The following ZNF679 variants were observed in gnomAD, a reference collection of about 807,000 sequenced individuals.
The protein encoded by ZNF679 is hypothetical protein MGC42415.
Under a neutral mutation model 13.4 loss-of-function variants are expected in ZNF679, and 10 were observed. That is an observed-to-expected ratio of 0.75 (90% CI 0.46 to 1.27). ZNF679 has a LOEUF of 1.27. Ranked by LOEUF, ZNF679 falls within the 50% of genes most tolerant of loss-of-function variation. ZNF679 has a pLI of 0.00. For missense variants in ZNF679, 525 were observed against 477.8 expected, an observed-to-expected ratio of 1.10 and a Z score of -0.92; for synonymous variants, 179 against 162.5, an observed-to-expected ratio of 1.10 and a Z score of -0.77.
chr7:64,243,768 G>A (rs1787831118), intron 1 of ZNF679, among the ~76,000 whole-genome samples: 1 of 152,176 alleles, frequency 6.6e-6, no homozygotes, highest in African/African-American at 2.4e-5. Context: ...CAGATACTGA[G>A]TGAAGGTATA....
intron 1 of ZNF679, among the ~76,000 whole-genome samples, chr7:64,236,019 C>T (rs1787706061): frequency 6.6e-6 from 1 of 152,110 alleles, no homozygotes; most frequent in Non-Finnish European, 1.5e-5. Flanking sequence ...GTAATCCCAA[C>T]ACTGTGGGAG....
intron 2 of ZNF679, among the ~76,000 whole-genome samples, chr7:64,256,210 G>A (rs773994493): frequency 3.3e-5 from 5 of 152,064 alleles, no homozygotes; most frequent in Non-Finnish European, 5.9e-5. Flanking sequence ...AAAAATGACG[G>A]TCTCCTGCTC....
chr7:64,238,544 C>T (rs529371690), intron 1 of ZNF679, among the ~76,000 whole-genome samples: 5 of 152,138 alleles, frequency 3.3e-5, no homozygotes, highest in South Asian at 4.1e-4. Flanking sequence ...CCCACCACCA[C>T]GCCTAGCTAA....
chr7:64,250,265 GT>G (rs11434714), intron 2 of ZNF679, among the ~76,000 whole-genome samples: 6,462 of 91,016 alleles, frequency 0.071, 158 homozygotes, highest in East Asian at 0.4. Flanking sequence ...CTTTCCCTTG[GT>G]TTTTTTTTTT....
At chr7:64,243,652 C>G (rs748871418) in intron 1 of ZNF679, among the ~76,000 whole-genome samples, 1 of 152,136 alleles carries the variant, frequency 6.6e-6, no homozygotes, top group Non-Finnish European at 1.5e-5. Flanking sequence ...CCCAATACCC[C>G]AGGAGGGCAA....
chr7:64,259,883 ATGCCAC>A (rs1444402458), intron 2 of ZNF679, among the ~76,000 whole-genome samples: 2 of 152,040 alleles, frequency 1.3e-5, no homozygotes, highest in African/African-American at 2.4e-5. Flanking sequence ...AGCCAAGATC[ATGCCAC>A]TGCACTCCAC....
rs556328063 is a variant in ZNF679 at position 64,242,001 on chromosome 7, G to C, written c.-90-7027G>C. 9.8e-5 allele frequency among the ~76,000 whole-genome samples: 15 copies of C among 152,298 alleles called. No individual in the cohort carries two copies. In the South Asian group the frequency reaches 2.9e-3, roughly 29 times the overall value. On this transcript the variant is annotated intron_variant, in intron 1 of 4. Coordinates refer to ENST00000421025, the MANE Select transcript of ZNF679 (RefSeq NM_153363.3). ...ACTTATGACAGTCAACATATCTTGG[G>C]ATATGTGTTTAAGTACTTGAATCAC...
At chr7:64,234,698 G>A (rs1238901812) in intron 1 of ZNF679, among the ~76,000 whole-genome samples, 1 of 152,148 alleles carries the variant, frequency 6.6e-6, no homozygotes. Context: ...AAGTTCTACA[G>A]GACTACGAGC....
intron 1 of ZNF679, among the ~76,000 whole-genome samples, chr7:64,247,575 T>A (rs554074531): frequency 7.3e-6 from 1 of 136,782 alleles, no homozygotes; most frequent in South Asian, 2.4e-4. Context: ...CTTTCTTATT[T>A]TGAGACAGTC....
At chr7:64,236,955 AAG>A (rs1427647991) in intron 1 of ZNF679, among the ~76,000 whole-genome samples, 1 of 37,442 alleles carries the variant, frequency 2.7e-5, no homozygotes, top group African/African-American at 1.0e-4. Context: ...GAAAGAAAGA[AAG>A]AAAGAAAGAA....
intron 1 of ZNF679, among the ~76,000 whole-genome samples, chr7:64,247,896 A>G (rs1291710777): frequency 6.6e-6 from 1 of 151,858 alleles, no homozygotes; most frequent in East Asian, 1.9e-4. Flanking sequence ...CTACTAGCAC[A>G]TTCAAAATTT....
At chr7:64,248,621 GCCAAA>G (rs1288922201) in intron 1 of ZNF679, among the ~76,000 whole-genome samples, 1 of 152,080 alleles carries the variant, frequency 6.6e-6, no homozygotes, top group Non-Finnish European at 1.5e-5. Context: ...GAGCCACAGA[GCCAAA>G]CCATATCACT....
At chr7:64,260,987 A>G in intron 4 of ZNF679, 58 bp downstream of exon 4, 1 of 1,507,734 alleles carries the variant, frequency 6.6e-7, no homozygotes, top group Middle Eastern at 1.7e-4. Context: ...GTCAAGGAGG[A>G]AGCCAGTCCT....
In ZNF679 at chr7:64,249,174, C is replaced by T; in HGVS notation, c.39+18C>T. The stretch of plus-strand genomic sequence containing the variant: ...GAGAAATGGTGAGTGCTGGGTCTGT[C>T]ACCGTGAGAGAGGGGTGAGGGCTGG... On this transcript the variant is annotated intron_variant, in intron 2 of 4. Transcript: ENST00000421025. 1 of 1,614,088 alleles carries T rather than the reference C, an allele frequency of 6.2e-7. No homozygotes were observed. The highest frequency in any genetic ancestry group is 8.5e-7 in the Non-Finnish European group (1 of 1,179,992).
chr7:64,236,119 G>A (rs1472682717), intron 1 of ZNF679, among the ~76,000 whole-genome samples: 1 of 151,748 alleles, frequency 6.6e-6, no homozygotes, highest in Non-Finnish European at 1.5e-5. Flanking sequence ...ACAAAAATTA[G>A]CCTGGTGTGG....
chr7:64,266,128 C>T lies in ZNF679; in HGVS notation c.495C>T (p.Phe165=), dbSNP rs766544220. The change falls in exon 5 of 5, where the codon TTC becomes TTT. Residue 165 remains phenylalanine (F), a synonymous_variant. Transcript: ENST00000421025. The stretch of plus-strand genomic sequence containing the variant: ...AGACTCATAAATGTGTCAAAGTCTT[C>T]GGCAAATTTTCAAATTCCAATAGAC... The part of the protein sequence containing the change: ...IFQTHKCVKV[F]GKFSNSNRHK... 8.9e-5 allele frequency: 143 copies of T among 1,608,540 alleles called. No homozygotes were observed. The highest frequency in any genetic ancestry group is 1.6e-4 in the Middle Eastern group (1 of 6,076).
chr7:64,260,728 A>T, intron 3 of ZNF679, 106 bp from the exon 4 acceptor site: 2 of 1,185,724 alleles, frequency 1.7e-6, no homozygotes, highest in Non-Finnish European at 2.3e-6. Flanking sequence ...AATCAATATT[A>T]ATTTTCTAGA....
At chr7:64,265,606 G>A (rs1260019409) in intron 4 of ZNF679, among the ~76,000 whole-genome samples, 1 of 152,108 alleles carries the variant, frequency 6.6e-6, no homozygotes, top group Non-Finnish European at 1.5e-5. Context: ...CTTCTATTGG[G>A]GATGAAGAAG....
intron 1 of ZNF679, among the ~76,000 whole-genome samples, chr7:64,231,880 A>G (rs1022472110): frequency 2.6e-5 from 4 of 152,240 alleles, no homozygotes; most frequent in Non-Finnish European, 1.5e-5. Context: ...TTGCAGAAAG[A>G]TCCAGAAATA....
Sources: allele counts gnomAD v4.1 joint callset (sites outside exome capture counted in the v4.1 genomes callset), GRCh38; gene constraint gnomAD v4.1.1; transcripts MANE v1.5; gene names NCBI Gene and HGNC (gene_info 2026-07-23, HGNC 2026-07-21).